PRELID2: variants seen among roughly 807,000 people sequenced by gnomAD.
PRELID2 encodes PRELI domain-containing protein 2.
Under a neutral mutation model 28.4 loss-of-function variants are expected in PRELID2, and 25 were observed. That is an observed-to-expected ratio of 0.88 (90% CI 0.64 to 1.23). The LOEUF is 1.23. Ranked by LOEUF, PRELID2 falls within the 50% of genes most tolerant of loss-of-function variation. The probability of loss-of-function intolerance (pLI) is 0.00; values close to 1 mark genes in which losing one functional copy is unlikely to be tolerated. For missense variants in PRELID2, 201 were observed against 214.4 expected, an observed-to-expected ratio of 0.94 and a Z score of 0.39; for synonymous variants, 76 against 71.6, an observed-to-expected ratio of 1.06 and a Z score of -0.31.
Position 145,662,072 on chromosome 5 carries a change from C to T in PRELID2, n.70+102859G>A, listed in dbSNP as rs960820437. 3.3e-5 allele frequency among the ~76,000 whole-genome samples: 5 copies of T among 152,086 alleles called. No individual in the cohort carries two copies. In the South Asian group the frequency reaches 8.3e-4, roughly 25 times the overall value. On this transcript the variant is annotated intron_variant and non_coding_transcript_variant, in intron 1 of 2. Transcript: ENST00000510259. ...TTTCCCCAGCTACAATTTAATATCTCGGGGTCCAATGCAGGCACTTGTCTA... is the reference window on the plus strand; with the variant it reads ...TTTCCCCAGCTACAATTTAATATCTTGGGGTCCAATGCAGGCACTTGTCTA...
chr5:145,802,461 A>T (rs1753200824), intron 4 of PRELID2, among the ~76,000 whole-genome samples: 1 of 152,200 alleles, frequency 6.6e-6, no homozygotes, highest in South Asian at 2.1e-4. Context: ...TAATGCACTT[A>T]GGAAGGAAAG....
At chr5:145,416,503 T>C in the PRELID2 span, among the ~76,000 whole-genome samples, 1 of 151,978 alleles carries the variant, frequency 6.6e-6, no homozygotes, top group Non-Finnish European at 1.5e-5. Context: ...GGAGAAAATT[T>C]TCGCAACCTA....
chr5:145,726,011 T>C (rs1756135232), intron 1 of PRELID2, among the ~76,000 whole-genome samples: 1 of 151,914 alleles, frequency 6.6e-6, no homozygotes, highest in African/African-American at 2.4e-5. Flanking sequence ...AGTGAGACCC[T>C]GTGTCTACAA....
intron 2 of PRELID2, among the ~76,000 whole-genome samples, chr5:145,472,390 A>G (rs763784993): frequency 6.6e-6 from 1 of 152,200 alleles, no homozygotes; most frequent in Non-Finnish European, 1.5e-5. Flanking sequence ...CACAAGAGGA[A>G]ACACAGCCCC....
chr5:145,244,741 A>G, the PRELID2 span, among the ~76,000 whole-genome samples: 1 of 152,130 alleles, frequency 6.6e-6, no homozygotes, highest in African/African-American at 2.4e-5. Flanking sequence ...AAAATTTAAT[A>G]TCTAACCATT....
chr5:145,423,963 C>A, the PRELID2 span, among the ~76,000 whole-genome samples: 3 of 151,064 alleles, frequency 2.0e-5, no homozygotes, highest in Non-Finnish European at 4.4e-5. Context: ...CAGAGAGGAC[C>A]CTCAGCTGCA....
At chr5:145,372,939 TAA>T in the PRELID2 span, among the ~76,000 whole-genome samples, 3 of 58,870 alleles carry the variant, frequency 5.1e-5, no homozygotes, top group Admixed American at 2.0e-4. Context: ...ACAACATATA[TAA>T]TATATATGAT....
intron 1 of PRELID2, among the ~76,000 whole-genome samples, chr5:145,576,340 T>G: frequency 6.6e-6 from 1 of 152,172 alleles, no homozygotes; most frequent in Admixed American, 6.6e-5. Flanking sequence ...TTGCCTGTTC[T>G]GGACAGTTTA....
intron 1 of PRELID2, among the ~76,000 whole-genome samples, chr5:145,626,425 A>G (rs2149655309): frequency 6.6e-6 from 1 of 152,280 alleles, no homozygotes; most frequent in East Asian, 1.9e-4. Context: ...GAAAAAATAC[A>G]CAACGTCGCT....
chr5:145,290,082 T>C, the PRELID2 span, among the ~76,000 whole-genome samples: 126 of 152,104 alleles, frequency 8.3e-4, no homozygotes, highest in Non-Finnish European at 1.5e-3. Flanking sequence ...ATGGTGATCA[T>C]TAAAAAGTCA....
chr5:145,532,758 C>T (rs888195196), intron 1 of PRELID2, among the ~76,000 whole-genome samples: 1 of 151,994 alleles, frequency 6.6e-6, no homozygotes, highest in African/African-American at 2.4e-5. Context: ...GCATAATTTC[C>T]TCTGGGTTAA....
chr5:145,773,493 C>T (rs963464716), intron 5 of PRELID2, among the ~76,000 whole-genome samples: 7 of 152,238 alleles, frequency 4.6e-5, no homozygotes, highest in African/African-American at 1.2e-4. Flanking sequence ...GCCTCTCCCC[C>T]AGTGCCATGT....
intron 1 of PRELID2, among the ~76,000 whole-genome samples, chr5:145,660,945 C>T (rs182532183): frequency 2.0e-5 from 3 of 152,206 alleles, no homozygotes; most frequent in African/African-American, 7.2e-5. Flanking sequence ...TATAGTATTT[C>T]GCCTACAGAC....
chr5:145,474,193 A>G (rs1214436349), intron 1 of PRELID2, among the ~76,000 whole-genome samples: 1 of 152,232 alleles, frequency 6.6e-6, no homozygotes, highest in Non-Finnish European at 1.5e-5. Flanking sequence ...TCTATCTCCC[A>G]AGATCAGAGG....
At chr5:145,619,115 C>T (rs1268170268) in intron 1 of PRELID2, among the ~76,000 whole-genome samples, 3 of 152,176 alleles carry the variant, frequency 2.0e-5, no homozygotes, top group Admixed American at 2.0e-4. Flanking sequence ...CGCCTCCCAG[C>T]TGTGAAAGAA....
chr5:145,464,918 C>T, the PRELID2 span, among the ~76,000 whole-genome samples: 1 of 152,040 alleles, frequency 6.6e-6, no homozygotes, highest in African/African-American at 2.4e-5. Flanking sequence ...TGACTTTGCC[C>T]TCTGGACCAA....
intron 1 of PRELID2, among the ~76,000 whole-genome samples, chr5:145,480,824 A>C (rs1376166914): frequency 1.3e-5 from 2 of 152,226 alleles, no homozygotes; most frequent in African/African-American, 4.8e-5. Flanking sequence ...GCCTCTTTCT[A>C]ATTCAACTCA....
intron 1 of PRELID2, among the ~76,000 whole-genome samples, chr5:145,581,379 T>C (rs1188855851): frequency 6.6e-6 from 1 of 152,122 alleles, no homozygotes; most frequent in Non-Finnish European, 1.5e-5. Flanking sequence ...TGGCACAATG[T>C]CTGGTATTGC....
intron 1 of PRELID2, chr5:145,703,929 T>A (rs1338928150): frequency 6.6e-6 from 1 of 152,188 alleles, no homozygotes; most frequent in Non-Finnish European, 1.5e-5. Context: ...CATAAAGTCA[T>A]GGCATATTTT....
Sources: allele counts gnomAD v4.1 joint callset (sites outside exome capture counted in the v4.1 genomes callset), GRCh38; gene constraint gnomAD v4.1.1; transcripts MANE v1.5; gene names NCBI Gene and HGNC (gene_info 2026-07-23, HGNC 2026-07-21).